DAB1: variants seen among roughly 807,000 people sequenced by gnomAD.
DAB1 encodes the protein DAB adaptor protein 1, also known as disabled homolog 1.
Under a neutral mutation model 64.6 loss-of-function variants are expected in DAB1, and 15 were observed. The ratio of observed to expected loss-of-function variants is 0.23; its 90% confidence interval spans 0.16 to 0.36. The LOEUF is 0.36. Among genes scored for constraint, DAB1 ranks in the 10% least tolerant of loss-of-function variants. The pLI is 1.00. For synonymous variants in DAB1, 235 were observed against 251.9 expected, an observed-to-expected ratio of 0.93 and a Z score of 0.64; for missense variants, 596 against 706.7, an observed-to-expected ratio of 0.84 and a Z score of 1.78.
chr1:57,068,945 T>A (rs1480984086), intron 8 of DAB1, among the ~76,000 whole-genome samples: 2 of 152,248 alleles, frequency 1.3e-5, no homozygotes, highest in Middle Eastern at 3.2e-3. Context: ...ATATTCTCAA[T>A]GTTGTTTTCA....
chr1:58,253,893 C>T (rs150030357), intron 4 of DAB1, among the ~76,000 whole-genome samples: 55 of 152,282 alleles, frequency 3.6e-4, no homozygotes, highest in African/African-American at 1.1e-3. Context: ...TTCAACTGGA[C>T]AGGCAGGAAT....
chr1:57,316,526 T>A (rs1170087389), intron 1 of DAB1, among the ~76,000 whole-genome samples: 2 of 152,102 alleles, frequency 1.3e-5, no homozygotes, highest in Non-Finnish European at 2.9e-5. Context: ...CTCAGGCAAT[T>A]TTATTGGCAG....
intron 4 of DAB1, among the ~76,000 whole-genome samples, chr1:58,270,558 G>A (rs1390117849): frequency 1.8e-5 from 1 of 55,640 alleles, no homozygotes; most frequent in Non-Finnish European, 3.6e-5. Flanking sequence ...AATTCTGTGA[G>A]GAAAGTCATT....
At chr1:58,145,936 C>T (rs982232054) in intron 5 of DAB1, among the ~76,000 whole-genome samples, 4 of 152,160 alleles carry the variant, frequency 2.6e-5, no homozygotes, top group African/African-American at 9.7e-5. Flanking sequence ...ACTAACCCCT[C>T]CTCCTTCTCC....
In DAB1 at chr1:57,841,247, C is replaced by T. The variant is rs150905290; in HGVS notation, n.88-14792G>A. Among the ~76,000 whole-genome samples, 272 of 152,338 alleles carry T rather than the reference C, an allele frequency of 1.8e-3. 1 individual carries two copies. The highest frequency in any genetic ancestry group is 5.6e-3 in the African/African-American group (232 of 41,590). On this transcript the variant is annotated intron_variant and non_coding_transcript_variant, in intron 1 of 1. Coordinates refer to the DAB1 transcript ENST00000477280. ...AAGTAGGTTCCCATGGCCTTGGACA[C>T]CTCTGCCTCTGTGACTCTGCAGGGT...
At chr1:57,203,885 GT>G (rs1557931726) in intron 2 of DAB1, among the ~76,000 whole-genome samples, 1 of 152,088 alleles carries the variant, frequency 6.6e-6, no homozygotes, top group Middle Eastern at 3.4e-3. Context: ...AGTGTTTTTT[GT>G]TTGTTTTGTT....
chr1:57,811,510 A>T (rs1187940126), intron 6 of DAB1, among the ~76,000 whole-genome samples: 1 of 152,208 alleles, frequency 6.6e-6, no homozygotes, highest in African/African-American at 2.4e-5. Flanking sequence ...TGCTAGCATC[A>T]TGCTTCCTGT....
Position 57,287,815 on chromosome 1 carries a change from A to C in DAB1, c.67+3149T>G, listed in dbSNP as rs565638599. Among the ~76,000 whole-genome samples, 5 of 34,482 alleles carry C rather than the reference A, an allele frequency of 1.5e-4. No homozygotes were observed. In the South Asian group the frequency reaches 4.0e-3, roughly 28 times the overall value. 22.6% of individuals were successfully genotyped at this position (34,482 alleles called of 152,430 possible). ...ATTTATTTATTTATTTATTTATTTG[A>C]GACGGAGTCTCATTTGGTCACCCAG... is the stretch of plus-strand genomic sequence containing the variant. On this transcript the variant is annotated intron_variant, in intron 2 of 14. Transcript: ENST00000371236.
rs544162374 is a variant in DAB1, at chr1:58,527,200, C to T, written n.107+61G>A. On this transcript the variant is annotated intron_variant and non_coding_transcript_variant, in intron 2 of 20. Coordinates refer to the DAB1 transcript ENST00000485760. Reference sequence around the variant, plus strand: ...CTTATGCCAAGCCTCATTAAAATAACACACGTTTATCTTTCAGCCTGGGAA... The same window carrying T: ...CTTATGCCAAGCCTCATTAAAATAATACACGTTTATCTTTCAGCCTGGGAA... The T allele has an allele frequency of 1.7e-5, 14 of 834,428 alleles. No individual in the cohort carries two copies. The Admixed American group carries it at 1.9e-4, about 11-fold the overall frequency. 51.7% of individuals were successfully genotyped at this position (834,428 alleles called of 1,614,324 possible).
chr1:57,109,081 T>C (rs1433206553), intron 4 of DAB1, among the ~76,000 whole-genome samples: 1 of 152,222 alleles, frequency 6.6e-6, no homozygotes, highest in East Asian at 1.9e-4. Flanking sequence ...GGTGTCTGTA[T>C]TTGGCATATG....
At chr1:57,034,130 A>G (rs1035632972) in intron 9 of DAB1, among the ~76,000 whole-genome samples, 1 of 152,088 alleles carries the variant, frequency 6.6e-6, no homozygotes, top group African/African-American at 2.4e-5. Flanking sequence ...AATACAAAAA[A>G]TTAGCCAGAC....
chr1:58,274,664 T>C (rs1661391102), intron 4 of DAB1, among the ~76,000 whole-genome samples: 1 of 152,118 alleles, frequency 6.6e-6, no homozygotes. Context: ...CGAGATTCCG[T>C]GGGCGTAGGA....
chr1:57,418,881 T>C (rs551800402), intron 1 of DAB1, among the ~76,000 whole-genome samples: 377 of 152,094 alleles, frequency 2.5e-3, no homozygotes, highest in African/African-American at 8.4e-3. Flanking sequence ...CAAAACTAAA[T>C]GGAAGAAAAA....
chr1:58,077,431 G>A (rs986469217), intron 5 of DAB1, among the ~76,000 whole-genome samples: 1 of 152,192 alleles, frequency 6.6e-6, no homozygotes, highest in Admixed American at 6.5e-5. Flanking sequence ...AGATGAGGAG[G>A]AAAGAGGAAA....
chr1:57,969,750 C>T (rs1055701029), intron 5 of DAB1, among the ~76,000 whole-genome samples: 2 of 152,100 alleles, frequency 1.3e-5, no homozygotes, highest in African/African-American at 4.8e-5. Context: ...TCATATAGTA[C>T]TTTTGAGACC....
chr1:57,233,123 C>T (rs1260920626), intron 2 of DAB1, among the ~76,000 whole-genome samples: 1 of 152,080 alleles, frequency 6.6e-6, no homozygotes, highest in Non-Finnish European at 1.5e-5. Context: ...AAAAGGAAAA[C>T]CAAGTGCCAC....
chr1:58,536,914 T>C (rs1007904493), intron 1 of DAB1, among the ~76,000 whole-genome samples: 16 of 152,110 alleles, frequency 1.1e-4, no homozygotes, highest in Non-Finnish European at 1.0e-4. Context: ...GATGAAAAAA[T>C]AATCAATGAT....
intron 2 of DAB1, among the ~76,000 whole-genome samples, chr1:57,263,801 A>G (rs150963877): frequency 6.6e-6 from 1 of 152,308 alleles, no homozygotes; most frequent in East Asian, 1.9e-4. Context: ...ATCTCATTAA[A>G]TCTTGACAGT....
chr1:57,041,938 G>A (rs1176938793), intron 9 of DAB1, among the ~76,000 whole-genome samples: 1 of 152,102 alleles, frequency 6.6e-6, no homozygotes, highest in Non-Finnish European at 1.5e-5. Flanking sequence ...GGCAGATTTG[G>A]GATGATGTAG....
Sources: allele counts gnomAD v4.1 joint callset (sites outside exome capture counted in the v4.1 genomes callset), GRCh38; gene constraint gnomAD v4.1.1; transcripts MANE v1.5; gene names NCBI Gene and HGNC (gene_info 2026-07-23, HGNC 2026-07-21).